PTPN3: variants seen among roughly 807,000 people sequenced by gnomAD.
PTPN3 encodes tyrosine-protein phosphatase non-receptor type 3.
Under a neutral mutation model 132.7 loss-of-function variants are expected in PTPN3, and 96 were observed. The ratio of observed to expected loss-of-function variants is 0.72; its 90% CI spans 0.61 to 0.86. The LOEUF (loss-of-function observed/expected upper bound fraction) is 0.86, where lower values mean the gene tolerates loss of function less well. Ranked by LOEUF, PTPN3 falls within the 40% of genes least tolerant of loss-of-function variation. The probability of loss-of-function intolerance (pLI) is 0.00; values close to 1 mark genes in which losing one functional copy is unlikely to be tolerated. For missense variants in PTPN3, 1,125 were observed against 1,159.6 expected (o/e 0.97, Z 0.43); for synonymous variants, 398 against 429.0 (o/e 0.93, Z 0.89).
At chr9:109,536,830 C>T in the PTPN3 span, among the ~76,000 whole-genome samples, 1 of 152,180 alleles carries the variant, frequency 6.6e-6, no homozygotes, top group African/African-American at 2.4e-5. Flanking sequence ...TTGTAAGTCT[C>T]TGGGAAGTTA....
At chr9:109,449,373 C>T (rs1845090257) in intron 5 of PTPN3, 6 of 986,126 alleles carry the variant, frequency 6.1e-6, no homozygotes, top group Non-Finnish European at 7.2e-6. Flanking sequence ...GGTGAGCATT[C>T]TGTGTCCCAG....
At chr9:109,465,307 T>G (rs1345024951) in intron 1 of PTPN3, among the ~76,000 whole-genome samples, 1 of 152,118 alleles carries the variant, frequency 6.6e-6, no homozygotes, top group Non-Finnish European at 1.5e-5. Context: ...CCGGGCACGG[T>G]GGTTCACGCC....
intron 1 of PTPN3, among the ~76,000 whole-genome samples, chr9:109,487,891 C>T (rs1847283301): frequency 6.6e-6 from 1 of 152,312 alleles, no homozygotes; most frequent in Admixed American, 6.5e-5. Flanking sequence ...AGTTCCTACT[C>T]TGCCATTGAC....
chr9:109,394,751 T>C (rs1840424150), intron 19 of PTPN3, among the ~76,000 whole-genome samples: 1 of 152,230 alleles, frequency 6.6e-6, no homozygotes. Context: ...CACAATCTTG[T>C]GTGTGTATAC....
intron 19 of PTPN3, 90 bp downstream of exon 19, chr9:109,404,358 G>A: frequency 1.0e-6 from 1 of 981,732 alleles, no homozygotes; most frequent in Non-Finnish European, 1.4e-6. Context: ...ACAAGGGCTT[G>A]TGTCTCTGCC....
rs1839182311 is a variant in PTPN3 at position 109,382,397 on chromosome 9, G to A, written c.2433C>T (p.Asp811=). The change falls in exon 24 of 26, where the codon GAC becomes GAT. Residue 811 remains aspartate (D), a synonymous_variant. Coordinates refer to ENST00000374541, the MANE Select transcript of PTPN3 (RefSeq NM_002829.4). The stretch of plus-strand genomic sequence containing the variant: ...CGGAGGAGTCATCGGGCACACCGTG[G>A]TCAGGCCATGCGACGTACTGGAGAT... ...VTHLQYVAWP[D]HGVPDDSSDF... is the part of the protein sequence containing the mutation. 6.2e-7 allele frequency: 1 copy of A among 1,614,192 alleles called. No homozygotes were observed. Among genetic ancestry groups the A allele is most frequent in the Non-Finnish European group, 8.5e-7 (1 of 1,180,010 alleles).
chr9:109,529,707 A>G, the PTPN3 span, among the ~76,000 whole-genome samples: 3 of 152,226 alleles, frequency 2.0e-5, no homozygotes, highest in Non-Finnish European at 4.4e-5. Context: ...GTACAGTTTA[A>G]TAGTGTCAAG....
the PTPN3 span, among the ~76,000 whole-genome samples, chr9:109,503,623 C>T: frequency 2.6e-5 from 4 of 151,712 alleles, no homozygotes; most frequent in Non-Finnish European, 4.4e-5. Flanking sequence ...GCAGGAGAAT[C>T]GCTGGAACCC....
chr9:109,378,930 C>T lies in PTPN3; in HGVS notation c.*626G>A, dbSNP rs1838789486. 1 of 152,492 alleles carries T rather than the reference C, an allele frequency of 6.6e-6. No homozygotes were observed. The highest frequency in any genetic ancestry group is 2.4e-5 in the African/African-American group (1 of 41,394). The allele number at this position is 152,492 out of a possible 1,614,324, so 9.4% of individuals were successfully genotyped here. On this transcript the variant is annotated 3_prime_UTR_variant, in exon 26 of 26. Coordinates refer to ENST00000374541, the MANE Select transcript of PTPN3 (RefSeq NM_002829.4). ...ATCCAGGTTAGGCACCAAGAGGGAA[C>T]CTGAAGAGGGACACAATTCTCAGAA... is the stretch of plus-strand genomic sequence containing the variant.
rs1838591914 is a variant in PTPN3, at chr9:109,376,839, G to C, written c.*2717C>G. The stretch of plus-strand genomic sequence containing the variant: ...TTTACTTGAATTGTTTGCTCTTTTA[G>C]GTAATTCTCTTGTCTTGTTCTTCCC... On this transcript the variant is annotated 3_prime_UTR_variant, in exon 26 of 26. Coordinates refer to ENST00000374541, the MANE Select transcript of PTPN3 (RefSeq NM_002829.4). 1 of 152,202 alleles carries C rather than the reference G, an allele frequency of 6.6e-6. No homozygotes were observed. The highest frequency in any genetic ancestry group is 2.4e-5 in the African/African-American group (1 of 41,448). 9.4% of individuals were successfully genotyped at this position (152,202 alleles called of 1,614,324 possible).
At chr9:109,533,472 T>C in the PTPN3 span, 1 of 1,576,376 alleles carries the variant, frequency 6.3e-7, no homozygotes. Flanking sequence ...TGTGTCTGCG[T>C]CGGTAAGTTG....
At chr9:109,427,452 A>C (rs1199687811) in intron 11 of PTPN3, among the ~76,000 whole-genome samples, 1 of 152,206 alleles carries the variant, frequency 6.6e-6, no homozygotes, top group African/African-American at 2.4e-5. Context: ...ACTCCTTTTA[A>C]ATTTTAACTC....
chr9:109,537,896 A>T, the PTPN3 span, among the ~76,000 whole-genome samples: 1 of 152,234 alleles, frequency 6.6e-6, no homozygotes, highest in African/African-American at 2.4e-5. Context: ...AGCCAAAACC[A>T]TGTTGTTCTT....
rs111545755 is a variant in PTPN3 at position 109,477,029 on chromosome 9, G to A, written c.-17-13578C>T. On this transcript the variant is annotated intron_variant, in intron 1 of 25. Coordinates refer to ENST00000374541, the MANE Select transcript of PTPN3 (RefSeq NM_002829.4). ...ACCATTTTACAAGATTGGGAGACTC[G>A]ACTCAGAACCACGCACAGGTCACAC... 1.7e-3 allele frequency among the ~76,000 whole-genome samples: 263 copies of A among 152,234 alleles called. 2 individuals carry two copies. Among genetic ancestry groups the A allele is most frequent in the African/African-American group, 6.0e-3 (250 of 41,538 alleles).
intron 13 of PTPN3, 152 bp downstream of exon 13, chr9:109,422,566 G>T: frequency 2.3e-6 from 2 of 855,458 alleles, no homozygotes; most frequent in Non-Finnish European, 3.5e-6. Context: ...CTAGACTTGT[G>T]TACTTCATGA....
chr9:109,389,113 T>C (rs1839839019), intron 22 of PTPN3, 120 bp downstream of exon 22: 12 of 1,335,630 alleles, frequency 9.0e-6, no homozygotes, highest in Non-Finnish European at 9.1e-6. Context: ...TAGAGGAGAC[T>C]TAGGGTCACA....
At chr9:109,510,474 C>T in the PTPN3 span, among the ~76,000 whole-genome samples, 473 of 150,538 alleles carry the variant, frequency 3.1e-3, 4 homozygotes, top group Non-Finnish European at 3.2e-3. Flanking sequence ...AGGAGAATCC[C>T]TTGAACCCCG....
intron 10 of PTPN3, among the ~76,000 whole-genome samples, chr9:109,431,952 C>CTTGG (rs1843691391): frequency 6.6e-6 from 1 of 151,504 alleles, no homozygotes; most frequent in African/African-American, 2.4e-5. Flanking sequence ...AGTAATAGGA[C>CTTGG]TTGGACACAG....
intron 14 of PTPN3, among the ~76,000 whole-genome samples, chr9:109,410,915 A>T (rs1222822190): frequency 6.6e-6 from 1 of 152,198 alleles, no homozygotes; most frequent in East Asian, 1.9e-4. Flanking sequence ...CCTAGTTGGC[A>T]TGATTTGCCT....
Sources: allele counts gnomAD v4.1 joint callset (sites outside exome capture counted in the v4.1 genomes callset), GRCh38; gene constraint gnomAD v4.1.1; transcripts MANE v1.5; gene names NCBI Gene and HGNC (gene_info 2026-07-23, HGNC 2026-07-21).